Variants in NFIA observed in about 807,000 individuals in gnomAD.
NFIA encodes the protein nuclear factor 1 A-type.
In NFIA, 8 loss-of-function variants were observed where a neutral mutation model predicts 62.8. The ratio of observed to expected loss-of-function variants is 0.13; its 90% CI spans 0.07 to 0.23. The LOEUF (loss-of-function observed/expected upper bound fraction) is 0.23. Among genes scored for constraint, NFIA ranks in the 10% least tolerant of loss-of-function variants. The pLI, the probability that NFIA is intolerant of heterozygous loss-of-function variation, is 1.00. For synonymous variants in NFIA, 235 were observed against 238.1 expected, an observed-to-expected ratio of 0.99 and a Z score of 0.12; for missense variants, 410 against 642.1, an observed-to-expected ratio of 0.64 and a Z score of 3.91.
At chr1:61,184,296 T>G (rs1436937325) in intron 2 of NFIA, among the ~76,000 whole-genome samples, 1 of 152,192 alleles carries the variant, frequency 6.6e-6, no homozygotes, top group African/African-American at 2.4e-5. Context: ...CTGTATTTAC[T>G]CGGCCGCAGC....
At chr1:61,294,690 C>T (rs1248065902) in intron 3 of NFIA, among the ~76,000 whole-genome samples, 3 of 152,332 alleles carry the variant, frequency 2.0e-5, no homozygotes, top group Admixed American at 2.0e-4. Flanking sequence ...CTCTTTAGCA[C>T]AGTGCCTATC....
rs1164340886 is a variant in NFIA, at chr1:61,088,322, C to T, written c.201C>T (p.Val67=). Residue 67 remains valine, a synonymous_variant, in exon 2 of 11, where the codon GTC becomes GTT. Transcript: ENST00000403491. This position sits in a 1 kb window ranked among gnomAD's most constrained non-coding sequence, Gnocchi z 4.5. ...AATTGCTAAGTGAAAAACCAGAGGTCAAGCAGAAGTGGGCATCTCGACTTC... is the reference window on the plus strand; with the variant it reads ...AATTGCTAAGTGAAAAACCAGAGGTTAAGCAGAAGTGGGCATCTCGACTTC... ...KDELLSEKPE[V]KQKWASRLLA... The T allele has an allele frequency of 3.7e-6, 6 of 1,613,192 alleles. No individual in the cohort carries two copies. The East Asian group carries it at 8.9e-5, about 24-fold the overall frequency.
chr1:61,266,855 C>G (rs1004665142), intron 2 of NFIA, among the ~76,000 whole-genome samples: 4 of 152,058 alleles, frequency 2.6e-5, no homozygotes, highest in Admixed American at 6.6e-5. Flanking sequence ...TTTAGAAAAC[C>G]TGCTTCCAAG....
intron 2 of NFIA, among the ~76,000 whole-genome samples, chr1:61,274,412 C>T (rs545502059): frequency 2.9e-4 from 44 of 152,182 alleles, no homozygotes; most frequent in Admixed American, 1.3e-3. Flanking sequence ...CTTACAAGAG[C>T]ATTTCCAACC....
chr1:61,287,187 A>G (rs1258134527), intron 3 of NFIA, among the ~76,000 whole-genome samples: 1 of 152,226 alleles, frequency 6.6e-6, no homozygotes, highest in Non-Finnish European at 1.5e-5. Flanking sequence ...ATGAGTGTTC[A>G]GTGGGAAGCA....
chr1:61,157,462 G>A (rs990014698), intron 2 of NFIA, among the ~76,000 whole-genome samples: 5 of 152,184 alleles, frequency 3.3e-5, no homozygotes, highest in Admixed American at 3.3e-4. Context: ...TAATGGATGG[G>A]CAGTGATATT....
chr1:61,349,887 G>A (rs533800187), intron 4 of NFIA, among the ~76,000 whole-genome samples: 2 of 152,118 alleles, frequency 1.3e-5, no homozygotes, highest in South Asian at 2.1e-4. Context: ...GCCACCACAC[G>A]TGTGCCCAGC....
intron 2 of NFIA, among the ~76,000 whole-genome samples, chr1:61,218,616 A>G (rs9970140): frequency 0.093 from 14,184 of 152,252 alleles, 827 homozygotes; most frequent in African/African-American, 0.16. Flanking sequence ...CTATGTAGGG[A>G]TTTATTCTTC....
At chr1:61,113,206 G>A (rs144848645) in intron 2 of NFIA, among the ~76,000 whole-genome samples, 1,763 of 152,022 alleles carry the variant, frequency 0.012, 19 homozygotes, top group Middle Eastern at 0.065. Context: ...AGTTGTACTA[G>A]GTTTGGTGAA....
At chr1:61,453,256 GTC>G (rs1668140140) in intron 10 of NFIA, among the ~76,000 whole-genome samples, 1 of 151,972 alleles carries the variant, frequency 6.6e-6, no homozygotes, top group Non-Finnish European at 1.5e-5. Flanking sequence ...TCACGTCTGG[GTC>G]TGTCTGGTTG....
chr1:61,185,325 T>C (rs1251134451), intron 2 of NFIA, among the ~76,000 whole-genome samples: 1 of 152,160 alleles, frequency 6.6e-6, no homozygotes, highest in Non-Finnish European at 1.5e-5. Flanking sequence ...AAGTATAAAA[T>C]GCATTTCTAG....
At chr1:61,219,701 G>A (rs1218455747) in intron 2 of NFIA, among the ~76,000 whole-genome samples, 5 of 122,372 alleles carry the variant, frequency 4.1e-5, no homozygotes, top group Admixed American at 8.5e-5. Context: ...GTGACAGAGC[G>A]AGACTCCGTC....
At chr1:61,120,689 A>G (rs989350230) in intron 2 of NFIA, among the ~76,000 whole-genome samples, 19 of 152,216 alleles carry the variant, frequency 1.2e-4, no homozygotes, top group African/African-American at 4.1e-4. Context: ...GAGGCCTTCT[A>G]CAGTTTGCAT....
intron 2 of NFIA, among the ~76,000 whole-genome samples, chr1:61,165,634 A>G (rs1290795889): frequency 6.6e-6 from 1 of 152,224 alleles, no homozygotes; most frequent in African/African-American, 2.4e-5. Context: ...TCCTTGACAA[A>G]TTCAGGAAGT....
intron 2 of NFIA, among the ~76,000 whole-genome samples, chr1:61,221,131 GAA>G (rs1653989581): frequency 6.6e-6 from 1 of 152,104 alleles, no homozygotes; most frequent in Non-Finnish European, 1.5e-5. Context: ...AATAATATCT[GAA>G]GATTGGCAAA....
intron 2 of NFIA, among the ~76,000 whole-genome samples, chr1:61,179,110 T>C (rs1292339920): frequency 1.3e-5 from 2 of 152,234 alleles, no homozygotes; most frequent in Non-Finnish European, 2.9e-5. Flanking sequence ...ACGGTGTTTG[T>C]GCTTCAAGTT....
intron 4 of NFIA, among the ~76,000 whole-genome samples, chr1:61,345,045 A>G (rs1315031233): frequency 6.6e-6 from 1 of 152,196 alleles, no homozygotes; most frequent in African/African-American, 2.4e-5. Flanking sequence ...ATAGCAAACC[A>G]TTTATTAAGA....
At chr1:61,309,720 C>A (rs1359297292) in intron 3 of NFIA, among the ~76,000 whole-genome samples, 1 of 152,178 alleles carries the variant, frequency 6.6e-6, no homozygotes, top group Non-Finnish European at 1.5e-5. Context: ...GAAACCCCGT[C>A]TCTACTAAAA....
At chr1:61,343,339 A>G (rs750019916) in intron 4 of NFIA, among the ~76,000 whole-genome samples, 1 of 152,178 alleles carries the variant, frequency 6.6e-6, no homozygotes, top group Non-Finnish European at 1.5e-5. Context: ...AATTTTTCCT[A>G]TTTTAATGAA....
Sources: gnomAD v4.1 joint callset for allele counts (sites outside exome capture counted in the v4.1 genomes callset) on GRCh38, gnomAD v4.1.1 for gene constraint, Gnocchi (gnomAD v3.1) non-coding constraint, MANE v1.5 for transcripts, NCBI Gene and HGNC (gene_info 2026-07-23, HGNC 2026-07-21) for gene names.